FGF14: variants seen among roughly 807,000 people sequenced by gnomAD.
FGF14 encodes the protein fibroblast growth factor homologous factor 4.
Under a neutral mutation model 25.5 loss-of-function variants are expected in FGF14, and 5 were observed. The observed-to-expected ratio is 0.20, with a 90% CI of 0.10 to 0.41. FGF14 has a LOEUF of 0.41. Ranked by LOEUF, FGF14 falls within the 10% of genes least tolerant of loss-of-function variation. The pLI is 1.00. For synonymous variants in FGF14, 138 were observed against 118.3 expected, an observed-to-expected ratio of 1.17 and a Z score of -1.08; for missense variants, 222 against 320.1, an observed-to-expected ratio of 0.69 and a Z score of 2.34.
At chr13:102,166,225 C>T (rs913038771) in intron 1 of FGF14, among the ~76,000 whole-genome samples, 8 of 151,442 alleles carry the variant, frequency 5.3e-5, no homozygotes, top group Non-Finnish European at 8.8e-5. Flanking sequence ...AGTCTATTCT[C>T]ATAATTTGTG....
intron 1 of FGF14, among the ~76,000 whole-genome samples, chr13:102,104,590 A>G: frequency 6.6e-6 from 1 of 152,154 alleles, no homozygotes; most frequent in East Asian, 1.9e-4. Context: ...AGCCTGGGTA[A>G]CATGGCAAAA....
intron 3 of FGF14, among the ~76,000 whole-genome samples, chr13:101,765,811 C>A (rs542132994): frequency 6.6e-6 from 1 of 152,138 alleles, no homozygotes; most frequent in South Asian, 2.1e-4. Flanking sequence ...CTCACTGCAA[C>A]CTCTGCTACC....
intron 2 of FGF14, among the ~76,000 whole-genome samples, chr13:101,869,450 T>C (rs2044921584): frequency 6.6e-6 from 1 of 152,224 alleles, no homozygotes; most frequent in Admixed American, 6.5e-5. Flanking sequence ...TGATAAAATG[T>C]TAAAAGCATT....
intron 1 of FGF14, among the ~76,000 whole-genome samples, chr13:102,063,831 G>T (rs1009591357): frequency 2.0e-4 from 30 of 152,144 alleles, no homozygotes; most frequent in Middle Eastern, 3.4e-3. Flanking sequence ...CTAAAAGCAA[G>T]AGAATCAACT....
At chr13:102,324,109 T>C (rs1685882240) in intron 1 of FGF14, among the ~76,000 whole-genome samples, 1 of 152,024 alleles carries the variant, frequency 6.6e-6, no homozygotes, top group South Asian at 2.1e-4. Context: ...TATGATAATA[T>C]TTTTACACTC....
At chr13:101,933,560 C>T (rs1332862192) in intron 1 of FGF14, among the ~76,000 whole-genome samples, 2 of 152,074 alleles carry the variant, frequency 1.3e-5, no homozygotes, top group African/African-American at 2.4e-5. Flanking sequence ...CCTGTCTCTA[C>T]TAAAAATACA....
intron 1 of FGF14, among the ~76,000 whole-genome samples, chr13:102,161,644 A>AAGGAGGAGG (rs2047727468): frequency 1.2e-4 from 2 of 17,024 alleles, no homozygotes; most frequent in African/African-American, 2.3e-4. Flanking sequence ...GAAGAAGAAG[A>AAGGAGGAGG]AGAAGAAGAA....
chr13:101,864,521 A>G (rs541546124), intron 3 of FGF14, among the ~76,000 whole-genome samples: 33 of 152,248 alleles, frequency 2.2e-4, no homozygotes, highest in African/African-American at 7.9e-4. Flanking sequence ...GACCCACTGA[A>G]CTAAAATATC....
chr13:101,783,187 G>A (rs1454326199), intron 3 of FGF14, among the ~76,000 whole-genome samples: 1 of 151,948 alleles, frequency 6.6e-6, no homozygotes, highest in Non-Finnish European at 1.5e-5. Context: ...TTTTAAAAGT[G>A]TTGGCCGGGC....
chr13:102,102,506 A>G (rs2044708892), intron 1 of FGF14, among the ~76,000 whole-genome samples: 1 of 152,042 alleles, frequency 6.6e-6, no homozygotes. Flanking sequence ...CTTTTGCCCA[A>G]CCTCCTCATC....
chr13:101,860,082 G>A (rs886415166), intron 3 of FGF14, among the ~76,000 whole-genome samples: 3 of 152,116 alleles, frequency 2.0e-5, no homozygotes, highest in Non-Finnish European at 2.9e-5. Context: ...CCCTGTTGTC[G>A]ATGGTCTCAG....
intron 1 of FGF14, among the ~76,000 whole-genome samples, chr13:101,930,639 C>T (rs1031636459): frequency 1.4e-4 from 21 of 152,140 alleles, no homozygotes; most frequent in Non-Finnish European, 2.8e-4. Context: ...TCTTCACAGA[C>T]GAAAAGTATT....
intron 3 of FGF14, among the ~76,000 whole-genome samples, chr13:101,854,698 T>A (rs1308633017): frequency 6.6e-6 from 1 of 152,102 alleles, no homozygotes; most frequent in Non-Finnish European, 1.5e-5. Context: ...GTGCTGGTCC[T>A]ATTGCCAACT....
At chr13:102,015,036 T>C (rs867098473) in intron 1 of FGF14, among the ~76,000 whole-genome samples, 1 of 152,190 alleles carries the variant, frequency 6.6e-6, no homozygotes, top group Admixed American at 6.5e-5. Context: ...GCCTCCCATA[T>C]AGCTGGGATT....
intron 1 of FGF14, among the ~76,000 whole-genome samples, chr13:102,033,550 C>T (rs1232461265): frequency 1.3e-5 from 2 of 152,092 alleles, no homozygotes; most frequent in Non-Finnish European, 2.9e-5. Context: ...CCATAAATTT[C>T]AGAGACTTAA....
chr13:102,137,123 C>G (rs538912527), intron 1 of FGF14, among the ~76,000 whole-genome samples: 3 of 152,274 alleles, frequency 2.0e-5, no homozygotes, highest in Non-Finnish European at 4.4e-5. Context: ...ACAGCCACAC[C>G]AGCCATTCCT....
chr13:102,134,217 G>C (rs2046316602), intron 1 of FGF14, among the ~76,000 whole-genome samples: 1 of 152,110 alleles, frequency 6.6e-6, no homozygotes, highest in Non-Finnish European at 1.5e-5. Flanking sequence ...AAGCCTGTGA[G>C]AGAGAAGTGT....
At chr13:102,022,534 G>A (rs998144503) in intron 1 of FGF14, among the ~76,000 whole-genome samples, 2 of 151,956 alleles carry the variant, frequency 1.3e-5, no homozygotes, top group East Asian at 1.9e-4. Flanking sequence ...TTGCTGAATT[G>A]GTATGAAGAT....
intron 1 of FGF14, among the ~76,000 whole-genome samples, chr13:102,316,207 C>T (rs1451774255): frequency 6.6e-6 from 1 of 152,174 alleles, no homozygotes; most frequent in Non-Finnish European, 1.5e-5. Context: ...ATCCTAAAAT[C>T]CTGACCTTTC....
Sources: gnomAD v4.1 joint callset for allele counts (sites outside exome capture counted in the v4.1 genomes callset) on GRCh38, gnomAD v4.1.1 for gene constraint, MANE v1.5 for transcripts, NCBI Gene and HGNC (gene_info 2026-07-23, HGNC 2026-07-21) for gene names.